Variants in LRBA observed in about 807,000 individuals in gnomAD.
LRBA encodes the protein LPS responsive beige-like anchor protein, also known as lipopolysaccharide-responsive and beige-like anchor protein.
In LRBA, 176 loss-of-function variants were observed where a neutral mutation model predicts 330.0. The ratio of observed to expected loss-of-function variants is 0.53; its 90% confidence interval spans 0.47 to 0.60. The LOEUF (loss-of-function observed/expected upper bound fraction) is 0.60, where lower values mean the gene tolerates loss of function less well. LRBA is among the 20% of genes least tolerant of loss of function. The probability of loss-of-function intolerance (pLI) is 0.00; values close to 1 mark genes in which losing one functional copy is unlikely to be tolerated. For missense variants in LRBA, 3,259 were observed against 3,444.8 expected (o/e 0.95, Z 1.35); for synonymous variants, 1,230 against 1,193.0 (o/e 1.03, Z -0.64).
intron 37 of LRBA, among the ~76,000 whole-genome samples, chr4:150,658,509 CCCT>C (rs200621702): frequency 0.87 from 54,565 of 62,462 alleles, 23,385 homozygotes; most frequent in Non-Finnish European, 0.94. Context: ...ATAAAAGTCT[CCCT>C]CTCCCTCTCC....
chr4:150,601,669 T>C (rs1002639096), intron 37 of LRBA, among the ~76,000 whole-genome samples: 2 of 151,972 alleles, frequency 1.3e-5, no homozygotes. Flanking sequence ...CAGACATACA[T>C]ACTGTCTTCA....
At chr4:150,599,178 C>A (rs769313552) in intron 37 of LRBA, 47 bp from the exon 38 acceptor site, 3 of 1,598,396 alleles carry the variant, frequency 1.9e-6, no homozygotes, top group Non-Finnish European at 2.6e-6. Flanking sequence ...TATCAAACAG[C>A]GTGGTAGCAC....
intron 34 of LRBA, among the ~76,000 whole-genome samples, chr4:150,778,312 G>A (rs1018313430): frequency 6.6e-6 from 1 of 152,040 alleles, no homozygotes; most frequent in Non-Finnish European, 1.5e-5. Flanking sequence ...TTACAGGTCA[G>A]TTAGTAAAGA....
chr4:150,427,966 T>C (rs1749863751), intron 46 of LRBA, among the ~76,000 whole-genome samples: 1 of 151,966 alleles, frequency 6.6e-6, no homozygotes, highest in Non-Finnish European at 1.5e-5. Flanking sequence ...TGCAGACCTC[T>C]GGGATTTCTG....
chr4:150,624,984 A>G (rs1368910913), intron 37 of LRBA, among the ~76,000 whole-genome samples: 1 of 152,210 alleles, frequency 6.6e-6, no homozygotes, highest in Non-Finnish European at 1.5e-5. Flanking sequence ...GGCTTTTTCT[A>G]TCTATTTATA....
chr4:150,625,977 C>A (rs984383887), intron 37 of LRBA, among the ~76,000 whole-genome samples: 2 of 151,906 alleles, frequency 1.3e-5, no homozygotes, highest in African/African-American at 4.8e-5. Flanking sequence ...CAGGTGTGAG[C>A]CACAGTCCTT....
chr4:150,395,755 C>T (rs1744645968), intron 47 of LRBA, among the ~76,000 whole-genome samples: 1 of 152,070 alleles, frequency 6.6e-6, no homozygotes, highest in African/African-American at 2.4e-5. Flanking sequence ...ACAAAAAATT[C>T]CATTATCTTA....
At chr4:150,968,447 C>T (rs533443831) in intron 2 of LRBA, among the ~76,000 whole-genome samples, 22 of 152,332 alleles carry the variant, frequency 1.4e-4, no homozygotes, top group South Asian at 8.3e-4. Flanking sequence ...GGAAATTAAA[C>T]GTAAGCAAAA....
At chr4:151,000,898 C>A (rs1319926402) in intron 2 of LRBA, among the ~76,000 whole-genome samples, 1 of 152,232 alleles carries the variant, frequency 6.6e-6, no homozygotes, top group Non-Finnish European at 1.5e-5. Context: ...CGGCTGGGAG[C>A]CGAGAGACAA....
intron 47 of LRBA, among the ~76,000 whole-genome samples, chr4:150,383,019 G>C (rs891542889): frequency 2.0e-5 from 3 of 152,028 alleles, no homozygotes; most frequent in African/African-American, 7.2e-5. Context: ...CTTTCATCAG[G>C]TTTATGAATA....
At chr4:150,503,467 C>T (rs1455270255) in intron 40 of LRBA, among the ~76,000 whole-genome samples, 1 of 152,152 alleles carries the variant, frequency 6.6e-6, no homozygotes, top group Non-Finnish European at 1.5e-5. Context: ...TTCTACCAAA[C>T]CCCAACAGTT....
At chr4:150,377,749 T>C (rs1741564867) in intron 47 of LRBA, among the ~76,000 whole-genome samples, 1 of 152,122 alleles carries the variant, frequency 6.6e-6, no homozygotes, top group Non-Finnish European at 1.5e-5. Flanking sequence ...GTTTTAAATG[T>C]TTTTTATACC....
intron 40 of LRBA, among the ~76,000 whole-genome samples, chr4:150,508,756 A>G (rs1210951536): frequency 6.6e-6 from 1 of 152,250 alleles, no homozygotes; most frequent in Non-Finnish European, 1.5e-5. Flanking sequence ...GAAGAAACAC[A>G]TGAACCCACA....
intron 40 of LRBA, chr4:150,584,002 G>A: frequency 1.2e-6 from 2 of 1,614,060 alleles, no homozygotes; most frequent in Non-Finnish European, 1.7e-6. Flanking sequence ...GCCCAACCTC[G>A]ACCTCTTTCA....
At chr4:150,785,766 C>G (rs1489885020) in intron 34 of LRBA, among the ~76,000 whole-genome samples, 1 of 152,124 alleles carries the variant, frequency 6.6e-6, no homozygotes, top group African/African-American at 2.4e-5. Flanking sequence ...AAAAGTATTT[C>G]TCAACTACGG....
chr4:150,498,358 A>G (rs1037058850), intron 40 of LRBA, among the ~76,000 whole-genome samples: 1 of 152,194 alleles, frequency 6.6e-6, no homozygotes, highest in East Asian at 1.9e-4. Flanking sequence ...CTCTTATTCA[A>G]CTAGCATTAA....
At chr4:150,635,664 T>C (rs545697383) in intron 37 of LRBA, among the ~76,000 whole-genome samples, 6 of 152,302 alleles carry the variant, frequency 3.9e-5, no homozygotes, top group South Asian at 2.1e-4. Context: ...TGATGCCCCA[T>C]TGACAACAGA....
intron 47 of LRBA, among the ~76,000 whole-genome samples, chr4:150,413,667 C>T (rs1360959748): frequency 1.3e-5 from 2 of 152,178 alleles, no homozygotes; most frequent in African/African-American, 2.4e-5. Flanking sequence ...ACTTTTTGTA[C>T]TCGTGAGTGT....
At chr4:150,372,260 C>G (rs1740440997) in intron 47 of LRBA, among the ~76,000 whole-genome samples, 1 of 151,932 alleles carries the variant, frequency 6.6e-6, no homozygotes, top group African/African-American at 2.4e-5. Context: ...AATTTTATGT[C>G]TCCAAAGTAG....
Sources: allele counts gnomAD v4.1 joint callset (sites outside exome capture counted in the v4.1 genomes callset), GRCh38; gene constraint gnomAD v4.1.1; transcripts MANE v1.5; gene names NCBI Gene and HGNC (gene_info 2026-07-23, HGNC 2026-07-21).